Variants in USP34 observed in about 807,000 individuals in gnomAD.
USP34 encodes the protein ubiquitin carboxyl-terminal hydrolase 34.
USP34 carries 70 observed loss-of-function variants against 460.3 expected under a neutral mutation model. The observed-to-expected ratio is 0.15, with a 90% CI of 0.13 to 0.19. USP34 has a LOEUF of 0.19. Ranked by LOEUF, USP34 falls within the 10% of genes least tolerant of loss-of-function variation. The pLI is 1.00. For missense variants in USP34, 3,985 were observed against 4,236.2 expected (o/e 0.94, Z 1.65); for synonymous variants, 1,647 against 1,405.3 (o/e 1.17, Z -3.85).
At chr2:61,321,105 G>A (rs2103699697) in intron 21 of USP34, among the ~76,000 whole-genome samples, 1 of 152,158 alleles carries the variant, frequency 6.6e-6, no homozygotes, top group African/African-American at 2.4e-5. Context: ...GAGCCCAGGA[G>A]TTCAAGGCTG....
chr2:61,460,553 C>A (rs1695568687), intron 1 of USP34, among the ~76,000 whole-genome samples: 1 of 152,070 alleles, frequency 6.6e-6, no homozygotes, highest in South Asian at 2.1e-4. Flanking sequence ...AGAAAAAAAA[C>A]AGTATATAGG....
intron 1 of USP34, among the ~76,000 whole-genome samples, chr2:61,445,153 C>G (rs1573049101): frequency 1.4e-5 from 2 of 139,048 alleles, no homozygotes; most frequent in East Asian, 4.2e-4. Flanking sequence ...TTGTCAACAG[C>G]AGAACCACAC....
intron 15 of USP34, among the ~76,000 whole-genome samples, chr2:61,344,959 C>T (rs923155050): frequency 3.3e-5 from 5 of 151,988 alleles, no homozygotes; most frequent in African/African-American, 9.7e-5. Flanking sequence ...CATTGCTATA[C>T]ATTCAAATAA....
At chr2:61,391,431 T>G (rs1693342178) in intron 5 of USP34, among the ~76,000 whole-genome samples, 1 of 152,202 alleles carries the variant, frequency 6.6e-6, no homozygotes, top group African/African-American at 2.4e-5. Context: ...ATGTGTGATT[T>G]AGTATAATAG....
chr2:61,442,307 A>G (rs931365732), intron 1 of USP34, among the ~76,000 whole-genome samples: 8 of 152,070 alleles, frequency 5.3e-5, no homozygotes, highest in African/African-American at 9.7e-5. Context: ...TCAACAGAGT[A>G]AAAAAAGACA....
chr2:61,190,635 G>A lies in USP34; in HGVS notation c.9612C>T (p.Ile3204=), dbSNP rs779879092. 6.2e-7 allele frequency: 1 copy of A among 1,613,794 alleles called. No individual in the cohort carries two copies. Among genetic ancestry groups the A allele is most frequent in the South Asian group, 1.1e-5 (1 of 91,034 alleles). ...AAACAGGATCTTCACACAAAAGCTT[G>A]ATGCAGTTTTTTGACATAGCAGACT... is the stretch of plus-strand genomic sequence containing the variant. ...QTQSAMSKNC[I]KLLCEDPVFA... is the part of the protein sequence containing the mutation. The change falls in exon 77 of 80, where the codon ATC becomes ATT. Residue 3204 remains isoleucine, a synonymous_variant. Coordinates refer to ENST00000398571, the MANE Select transcript of USP34 (RefSeq NM_014709.4).
chr2:61,376,381 A>AAAC (rs1692800722), intron 8 of USP34, among the ~76,000 whole-genome samples: 1 of 152,174 alleles, frequency 6.6e-6, no homozygotes, highest in South Asian at 2.1e-4. Flanking sequence ...CTATTCTCTT[A>AAAC]AACATGTCTT....
At chr2:61,189,227 C>A in intron 78 of USP34, 158 bp from the exon 79 acceptor site, 1 of 778,984 alleles carries the variant, frequency 1.3e-6, no homozygotes, top group Non-Finnish European at 2.0e-6. Context: ...ACCAGAAAGC[C>A]AGTGTTAAGA....
chr2:61,433,726 C>T (rs781585229), intron 1 of USP34, among the ~76,000 whole-genome samples: 78 of 152,158 alleles, frequency 5.1e-4, no homozygotes, highest in Non-Finnish European at 2.4e-4. Flanking sequence ...TACAGCTGCA[C>T]TGCCCAAATT....
intron 1 of USP34, among the ~76,000 whole-genome samples, chr2:61,455,524 A>G (rs1032776185): frequency 6.6e-6 from 1 of 152,112 alleles, no homozygotes; most frequent in African/African-American, 2.4e-5. Context: ...CTGTAATCCC[A>G]GGTAACATGA....
intron 1 of USP34, among the ~76,000 whole-genome samples, chr2:61,460,749 C>A (rs1218070398): frequency 6.6e-6 from 1 of 152,048 alleles, no homozygotes; most frequent in African/African-American, 2.4e-5. Context: ...CTTTGGGAGG[C>A]CGAGGCAAGT....
chr2:61,298,149 T>C (rs1690091969), intron 29 of USP34, among the ~76,000 whole-genome samples: 2 of 151,974 alleles, frequency 1.3e-5, no homozygotes, highest in Non-Finnish European at 2.9e-5. Context: ...TTTACTTTTT[T>C]GTGTAACTCT....
intron 8 of USP34, among the ~76,000 whole-genome samples, chr2:61,375,783 A>G (rs1452735671): frequency 1.3e-5 from 2 of 150,590 alleles, no homozygotes; most frequent in African/African-American, 4.9e-5. Flanking sequence ...AAAAAAAAAA[A>G]AAAAAAAAAA....
chr2:61,339,330 A>C (rs1185270009), intron 18 of USP34, 21 bp downstream of exon 18: 29 of 1,596,996 alleles, frequency 1.8e-5, no homozygotes, highest in Non-Finnish European at 2.2e-5. Flanking sequence ...CTGCATTAAA[A>C]ATTTTTAAAT....
Position 61,347,955 on chromosome 2 carries a change from T to A in USP34, c.2200A>T (p.Ile734Phe). 1 of 1,614,088 alleles carries A rather than the reference T, an allele frequency of 6.2e-7. No individual in the cohort carries two copies. The highest frequency in any genetic ancestry group is 8.5e-7 in the Non-Finnish European group (1 of 1,179,992). The change falls in exon 15 of 80, where the codon ATT (isoleucine) becomes TTT (phenylalanine). Residue 734 changes from isoleucine to phenylalanine, a missense_variant. This residue lies in a region of USP34 where 716 missense variants were observed against 626.2 expected (regional missense o/e 1.14). Coordinates refer to ENST00000398571, the MANE Select transcript of USP34 (RefSeq NM_014709.4). ...TRTGDFLGET[I>F]GNELFNCRQF... ...CGACAATTAAATAATTCATTCCCAA[T>A]AGTCTCCCCAAGGAAGTCCCCAGTT...
At chr2:61,419,615 TGGA>T (rs1007926512) in intron 2 of USP34, among the ~76,000 whole-genome samples, 4 of 152,218 alleles carry the variant, frequency 2.6e-5, no homozygotes, top group Non-Finnish European at 4.4e-5. Context: ...TTTGTTTCTC[TGGA>T]TTTCATTTTA....
chr2:61,395,454 C>T (rs1693487648), intron 3 of USP34, among the ~76,000 whole-genome samples: 1 of 152,180 alleles, frequency 6.6e-6, no homozygotes, highest in South Asian at 2.1e-4. Flanking sequence ...ACATACTACA[C>T]ACTATTTTGC....
chr2:61,459,700 C>A (rs527891734), intron 1 of USP34, among the ~76,000 whole-genome samples: 1 of 151,506 alleles, frequency 6.6e-6, no homozygotes, highest in East Asian at 1.9e-4. Context: ...TCGCTTGAAC[C>A]CGGGAGGCGA....
At chr2:61,220,036 A>T (rs1466342692) in intron 67 of USP34, among the ~76,000 whole-genome samples, 4 of 151,708 alleles carry the variant, frequency 2.6e-5, no homozygotes, top group Non-Finnish European at 4.4e-5. Flanking sequence ...CAGGATTTTC[A>T]AACCTTTTTA....
Sources: allele counts gnomAD v4.1 joint callset (sites outside exome capture counted in the v4.1 genomes callset), GRCh38; gene constraint gnomAD v4.1.1; regional missense constraint gnomAD v4.1.1; transcripts MANE v1.5; gene names NCBI Gene and HGNC (gene_info 2026-07-23, HGNC 2026-07-21).